GRIK2: variants seen among roughly 807,000 people sequenced by gnomAD.
GRIK2 encodes glutamate receptor ionotropic, kainate 2.
GRIK2 carries 32 observed loss-of-function variants against 100.3 expected under a neutral mutation model. The observed-to-expected ratio is 0.32, with a 90% confidence interval of 0.24 to 0.43. GRIK2 has a LOEUF of 0.43. Ranked by LOEUF, GRIK2 falls within the 20% of genes least tolerant of loss-of-function variation. The pLI is 1.00. For missense variants in GRIK2, 843 were observed against 1,114.9 expected, an observed-to-expected ratio of 0.76 and a Z score of 3.47; for synonymous variants, 417 against 389.4, an observed-to-expected ratio of 1.07 and a Z score of -0.83.
chr6:101,687,413 C>T (rs1435924589), intron 7 of GRIK2, among the ~76,000 whole-genome samples: 2 of 151,852 alleles, frequency 1.3e-5, no homozygotes, highest in Admixed American at 6.6e-5. Flanking sequence ...GAGTATTAGT[C>T]TAAATGGAGA....
At chr6:101,515,279 A>G (rs1774527830) in intron 2 of GRIK2, among the ~76,000 whole-genome samples, 1 of 152,090 alleles carries the variant, frequency 6.6e-6, no homozygotes, top group African/African-American at 2.4e-5. Context: ...ATACACACAC[A>G]CATACACACA....
At chr6:101,800,579 G>T (rs112144449) in intron 8 of GRIK2, among the ~76,000 whole-genome samples, 3,933 of 151,996 alleles carry the variant, frequency 0.026, 178 homozygotes, top group African/African-American at 0.089. Context: ...AGTTCATCTT[G>T]TAATAAATTA....
At chr6:101,655,639 A>G (rs1005376503) in intron 4 of GRIK2, among the ~76,000 whole-genome samples, 1 of 152,218 alleles carries the variant, frequency 6.6e-6, no homozygotes, top group African/African-American at 2.4e-5. Flanking sequence ...TAAATCATGA[A>G]TGGTATATTT....
chr6:101,475,696 T>C (rs1010292018), intron 2 of GRIK2, among the ~76,000 whole-genome samples: 3 of 151,976 alleles, frequency 2.0e-5, no homozygotes, highest in Admixed American at 1.3e-4. Context: ...TCAATAATCT[T>C]ATGTTTATAT....
At chr6:101,806,222 G>A (rs1780996734) in intron 9 of GRIK2, among the ~76,000 whole-genome samples, 1 of 152,000 alleles carries the variant, frequency 6.6e-6, no homozygotes, top group Admixed American at 6.6e-5. Flanking sequence ...TGAGAGGCTG[G>A]TATTGAGCAC....
intron 14 of GRIK2, among the ~76,000 whole-genome samples, chr6:101,985,198 T>C (rs1793952018): frequency 6.6e-6 from 1 of 151,750 alleles, no homozygotes; most frequent in African/African-American, 2.4e-5. Flanking sequence ...GAAAAAAAAG[T>C]AGGCCAAAGA....
intron 14 of GRIK2, among the ~76,000 whole-genome samples, chr6:102,022,250 GA>G (rs1315986259): frequency 1.1e-4 from 16 of 148,588 alleles, no homozygotes; most frequent in African/African-American, 1.5e-4. Context: ...CATAAATCAT[GA>G]AAAAAAAACT....
At chr6:101,510,549 G>A (rs1223191630) in intron 2 of GRIK2, among the ~76,000 whole-genome samples, 2 of 109,088 alleles carry the variant, frequency 1.8e-5, no homozygotes, top group African/African-American at 7.1e-5. Context: ...TTGAGATTGA[G>A]TCTCACACTG....
intron 14 of GRIK2, among the ~76,000 whole-genome samples, chr6:101,990,739 T>G (rs532819053): frequency 6.6e-6 from 1 of 151,560 alleles, no homozygotes; most frequent in South Asian, 2.1e-4. Flanking sequence ...ATCACTTTCT[T>G]ATGTCTAAGG....
intron 7 of GRIK2, among the ~76,000 whole-genome samples, chr6:101,728,599 G>A (rs371175471): frequency 1.3e-5 from 2 of 152,048 alleles, no homozygotes; most frequent in African/African-American, 2.4e-5. Context: ...TACTAGCTGT[G>A]TAGTCTTGGT....
At chr6:101,696,433 A>T (rs950838197) in intron 7 of GRIK2, among the ~76,000 whole-genome samples, 1 of 151,820 alleles carries the variant, frequency 6.6e-6, no homozygotes, top group African/African-American at 2.4e-5. Flanking sequence ...CTCCTGCCTA[A>T]TTGATCCAAA....
intron 2 of GRIK2, among the ~76,000 whole-genome samples, chr6:101,531,951 T>G (rs1470422093): frequency 6.6e-6 from 1 of 152,004 alleles, no homozygotes; most frequent in Non-Finnish European, 1.5e-5. Flanking sequence ...CCAAGTTGTC[T>G]TCTTGGCTCC....
intron 7 of GRIK2, among the ~76,000 whole-genome samples, chr6:101,704,234 A>G (rs1408177961): frequency 6.6e-6 from 1 of 151,728 alleles, no homozygotes; most frequent in Non-Finnish European, 1.5e-5. Flanking sequence ...ATAAGACCTA[A>G]AAGAGTTGCC....
At chr6:101,395,945 A>T (rs1299515512) in intron 1 of GRIK2, among the ~76,000 whole-genome samples, 1 of 152,214 alleles carries the variant, frequency 6.6e-6, no homozygotes, top group African/African-American at 2.4e-5. Context: ...AGACCATAGA[A>T]TAAAATATAT....
At chr6:101,815,290 A>G (rs757886804) in intron 9 of GRIK2, among the ~76,000 whole-genome samples, 1 of 152,204 alleles carries the variant, frequency 6.6e-6, no homozygotes, top group African/African-American at 2.4e-5. Flanking sequence ...TGCATATTTT[A>G]TAATCTCATG....
chr6:101,820,744 C>T (rs1781906123), intron 10 of GRIK2, among the ~76,000 whole-genome samples: 1 of 152,104 alleles, frequency 6.6e-6, no homozygotes, highest in Non-Finnish European at 1.5e-5. Context: ...ACCCAGCCTG[C>T]TCAATTCTTC....
chr6:101,893,182 G>A (rs1327764545), intron 12 of GRIK2, among the ~76,000 whole-genome samples: 2 of 150,808 alleles, frequency 1.3e-5, no homozygotes, highest in Non-Finnish European at 3.0e-5. Context: ...GTCATATAGA[G>A]GTCACTGATA....
chr6:101,569,772 C>G (rs924336970), intron 2 of GRIK2, among the ~76,000 whole-genome samples: 75 of 152,020 alleles, frequency 4.9e-4, no homozygotes, highest in African/African-American at 1.7e-3. Context: ...CTCCTAAATC[C>G]TTTCGGAAGG....
Position 101,543,233 on chromosome 6 carries a change from G to A in GRIK2, c.116-78716G>A, listed in dbSNP as rs1776089519. 2.6e-5 allele frequency among the ~76,000 whole-genome samples: 4 copies of A among 152,200 alleles called. No individual in the cohort carries two copies. The South Asian group carries it at 8.3e-4, about 32-fold the overall frequency. ...GACTCCATGAAGAACACTTCTTGTT[G>A]GATTAATCTTATTTTCTTCTGTGCC... is the stretch of plus-strand genomic sequence containing the variant. On this transcript the variant is annotated intron_variant, in intron 2 of 16. Transcript: ENST00000369134.
Sources: allele counts gnomAD v4.1 joint callset (sites outside exome capture counted in the v4.1 genomes callset), GRCh38; gene constraint gnomAD v4.1.1; transcripts MANE v1.5; gene names NCBI Gene and HGNC (gene_info 2026-07-23, HGNC 2026-07-21).